The following PLCXD1 variants were observed in gnomAD, a reference collection of about 807,000 sequenced individuals.
The protein encoded by PLCXD1 is PI-PLC X domain-containing protein 1.
In PLCXD1, 45 loss-of-function variants were observed where a neutral mutation model predicts 37.8. That is an observed-to-expected ratio of 1.19 (90% CI 0.94 to 1.53). The LOEUF (loss-of-function observed/expected upper bound fraction) is 1.53. PLCXD1 is among the 40% of genes most tolerant of loss of function. The pLI, the probability that PLCXD1 is intolerant of heterozygous loss-of-function variation, is 0.00. For synonymous variants in PLCXD1, 246 were observed against 206.9 expected (o/e 1.19, Z -1.62); for missense variants, 539 against 454.7 (o/e 1.19, Z -1.69).
chrX:289,846 C>G (rs1191290417), intron 3 of PLCXD1, among the ~76,000 whole-genome samples: 1 of 152,084 alleles, frequency 6.6e-6, no homozygotes, highest in Non-Finnish European at 1.5e-5. Flanking sequence ...TCAAGACAGA[C>G]AAGGACTCAT....
At chrX:285,460 A>G (rs1437392323) in intron 2 of PLCXD1, among the ~76,000 whole-genome samples, 2 of 152,204 alleles carry the variant, frequency 1.3e-5, no homozygotes, top group East Asian at 1.9e-4. Flanking sequence ...ACACACGTGC[A>G]CACATAAACA....
chrX:290,532 C>T (rs1271095277), intron 3 of PLCXD1, 116 bp from the exon 4 acceptor site: 23 of 1,097,688 alleles, frequency 2.1e-5, no homozygotes, highest in East Asian at 4.9e-5. Context: ...GTTGTTACGA[C>T]ATCCACGTCC....
At chrX:283,877 TC>T (rs767885290) in intron 1 of PLCXD1, 12 of 175,186 alleles carry the variant, frequency 6.8e-5, no homozygotes, top group East Asian at 2.6e-4. Context: ...TCTCTCTCTC[TC>T]TTTTTTTTTT....
chrX:285,192 A>G (rs1035376080), intron 2 of PLCXD1, among the ~76,000 whole-genome samples: 5 of 150,186 alleles, frequency 3.3e-5, no homozygotes, highest in African/African-American at 2.5e-5. Flanking sequence ...ATATACATGC[A>G]CACACACAGG....
At chrX:288,234 G>A (rs7053744) in intron 2 of PLCXD1, among the ~76,000 whole-genome samples, 14,476 of 151,030 alleles carry the variant, frequency 0.096, 1 homozygote, top group African/African-American at 0.2. Flanking sequence ...CAGGTTCTGG[G>A]CAGGGGGTTA....
intron 2 of PLCXD1, among the ~76,000 whole-genome samples, chrX:285,187 C>T (rs1184858014): frequency 1.3e-5 from 2 of 152,042 alleles, no homozygotes; most frequent in East Asian, 1.9e-4. Flanking sequence ...GATGCATATA[C>T]ATGCACACAC....
Position 281,938 on chromosome X carries a change from G to C in PLCXD1, c.-22+254G>C, listed in dbSNP as rs147655022. ...ACTTTTTGTACTTTTAGTAGAAATG[G>C]GGTTTCACCATGTTGGCCAGGCTGG... is the stretch of plus-strand genomic sequence containing the variant. On this transcript the variant is annotated intron_variant, in intron 1 of 6. Transcript: ENST00000381657. 1.5e-3 allele frequency among the ~76,000 whole-genome samples: 224 copies of C among 152,090 alleles called. 2 individuals are homozygous for C. Among genetic ancestry groups the C allele is most frequent in the African/African-American group, 5.0e-3 (207 of 41,466 alleles).
At chrX:291,791 G>C (rs2069644936) in intron 5 of PLCXD1, 137 bp downstream of exon 5, 2 of 969,298 alleles carry the variant, frequency 2.1e-6, no homozygotes, top group South Asian at 1.4e-5. Flanking sequence ...GGGGCTGCCT[G>C]CTCTCCCGCA....
intron 1 of PLCXD1, chrX:283,942 C>T (rs1177821903): frequency 1.1e-5 from 5 of 453,620 alleles, no homozygotes; most frequent in African/African-American, 4.0e-5. Flanking sequence ...AGTGCAGTGG[C>T]GGGATCTCCG....
chrX:284,276 G>A lies in PLCXD1; in HGVS notation c.89G>A (p.Arg30Gln), dbSNP rs376806859. The stretch of plus-strand genomic sequence containing the variant: ...GACTGGATGTCGGCACTGTGTCCCC[G>A]GCTCTGGGATGTGCCCCTCCACCAC... ...NEDWMSALCP[R>Q]LWDVPLHHLS... Residue 30 changes from arginine (R) to glutamine (Q), a missense_variant, in exon 2 of 7, where the codon CGG becomes CAG. Arg to Gln is a conservative substitution (Grantham distance 43). Coordinates refer to ENST00000381657, the MANE Select transcript of PLCXD1 (RefSeq NM_018390.4). 8.7e-6 allele frequency: 14 copies of A among 1,613,490 alleles called. No homozygotes were observed. Among genetic ancestry groups the A allele is most frequent in the African/African-American group, 5.3e-5 (4 of 75,010 alleles).
upstream of PLCXD1, among the ~76,000 whole-genome samples, chrX:277,219 C>T (rs776391683): frequency 6.8e-6 from 1 of 147,698 alleles, no homozygotes; most frequent in South Asian, 2.2e-4. Flanking sequence ...GGGGGCGCCC[C>T]TCAGTGGTCA....
chrX:291,184 C>T (rs1197187235), intron 4 of PLCXD1, among the ~76,000 whole-genome samples: 16 of 149,128 alleles, frequency 1.1e-4, no homozygotes, highest in African/African-American at 4.0e-4. Flanking sequence ...CTTGCTGTGT[C>T]GCCCAGGCTG....
chrX:297,126 A>C (rs868651251), intron 6 of PLCXD1, among the ~76,000 whole-genome samples: 18 of 34,816 alleles, frequency 5.2e-4, no homozygotes, highest in African/African-American at 3.5e-3. Flanking sequence ...TATTCTGTCT[A>C]TCACATGGGG....
At chrX:282,183 T>C (rs2124302376) in intron 1 of PLCXD1, among the ~76,000 whole-genome samples, 1 of 152,326 alleles carries the variant, frequency 6.6e-6, no homozygotes, top group South Asian at 2.1e-4. Flanking sequence ...TTAGATCTAA[T>C]GATTTTAATC....
In PLCXD1 at chrX:293,021, C is replaced by T. The variant is rs774734207; in HGVS notation, c.550-14C>T. ...CCTCTCTCCCCTGCACCCCTTAACT[C>T]TGGTCCTTTGCAGGAGGTGCCGACA... On this transcript the variant is annotated splice_polypyrimidine_tract_variant and intron_variant, in intron 5 of 6. Coordinates refer to ENST00000381657, the MANE Select transcript of PLCXD1 (RefSeq NM_018390.4). 18 of 1,597,138 alleles carry T rather than the reference C, an allele frequency of 1.1e-5. No homozygotes were observed. Among genetic ancestry groups the T allele is most frequent in the Non-Finnish European group, 1.5e-5 (17 of 1,169,832 alleles).
chrX:289,004 C>G, intron 3 of PLCXD1, 135 bp downstream of exon 3: 1 of 793,726 alleles, frequency 1.3e-6, no homozygotes, highest in Non-Finnish European at 2.1e-6. Context: ...GGTTCCTATC[C>G]CAGCTGCGGA....
At chrX:286,687 G>T (rs1162898922) in intron 2 of PLCXD1, among the ~76,000 whole-genome samples, 1 of 152,112 alleles carries the variant, frequency 6.6e-6, no homozygotes, top group Non-Finnish European at 1.5e-5. Context: ...GTTTTGTAAC[G>T]CTTTTTCATA....
intron 1 of PLCXD1, chrX:283,564 TTGGTGTCAGGCCCGGGTGGGGGCGGCCG>T: frequency 1.4e-5 from 1 of 70,068 alleles, no homozygotes. Context: ...GGGGGCGGCC[TTGGTGTCAGGCCCGGGTGGGGGCGGCCG>T]TGGTGCCAGG....
rs2069940061 is a variant in PLCXD1, at chrX:299,698, A to G, written c.*363A>G. The G allele has an allele frequency of 2.7e-6, 1 of 367,020 alleles. No homozygotes were observed. The highest frequency in any genetic ancestry group is 5.0e-6 in the Non-Finnish European group (1 of 198,156). The allele number at this position is 367,020 out of a possible 1,614,324, so 22.7% of individuals were successfully genotyped here. A position where few individuals can be genotyped will look rare whatever the true frequency, so the allele number is the denominator to read the frequency against. On this transcript the variant is annotated 3_prime_UTR_variant, in exon 7 of 7. Transcript: ENST00000381657. ...CTTGAAGCCGGGAGATGGAGGTTGCATTGAGCTGACATCGTGCCACTGCAC... is the reference window on the plus strand; with the variant it reads ...CTTGAAGCCGGGAGATGGAGGTTGCGTTGAGCTGACATCGTGCCACTGCAC...
Sources: gnomAD v4.1 joint callset for allele counts (sites outside exome capture counted in the v4.1 genomes callset) on GRCh38, gnomAD v4.1.1 for gene constraint, MANE v1.5 for transcripts, NCBI Gene and HGNC (gene_info 2026-07-23, HGNC 2026-07-21) for gene names.